CSMD3: variants seen among roughly 807,000 people sequenced by gnomAD.
The protein encoded by CSMD3 is CUB and Sushi multiple domains 3.
A neutral mutation model predicts 435.2 loss-of-function variants in CSMD3; 177 were observed. The observed-to-expected ratio is 0.41, with a 90% CI of 0.36 to 0.46. The LOEUF (loss-of-function observed/expected upper bound fraction) is 0.46. Ranked by LOEUF, CSMD3 falls within the 20% of genes least tolerant of loss-of-function variation. The probability of loss-of-function intolerance (pLI) is 0.34; values close to 1 mark genes in which losing one functional copy is unlikely to be tolerated. For synonymous variants in CSMD3, 1,656 were observed against 1,520.5 expected (o/e 1.09, Z -2.07); for missense variants, 4,265 against 4,504.6 (o/e 0.95, Z 1.52).
chr8:112,915,813 G>T (rs539984268), intron 10 of CSMD3, among the ~76,000 whole-genome samples: 2 of 151,808 alleles, frequency 1.3e-5, no homozygotes, highest in African/African-American at 4.8e-5. Context: ...TCATTAGCAA[G>T]AGTTTATTAA....
chr8:112,763,550 T>G (rs1467803553), intron 13 of CSMD3, among the ~76,000 whole-genome samples: 1 of 148,562 alleles, frequency 6.7e-6, no homozygotes, highest in Non-Finnish European at 1.5e-5. Flanking sequence ...ACATTTTCAT[T>G]TTAAACAACT....
chr8:113,029,971 C>A (rs941955564), intron 5 of CSMD3, among the ~76,000 whole-genome samples: 4 of 151,496 alleles, frequency 2.6e-5, no homozygotes, highest in African/African-American at 9.7e-5. Context: ...AGCTCTTCTA[C>A]ATGCTAACAG....
chr8:113,376,595 AT>A (rs949260373), intron 1 of CSMD3: 109 of 824,514 alleles, frequency 1.3e-4, no homozygotes, highest in Middle Eastern at 3.4e-4. Context: ...TTGATATCCA[AT>A]TTTTTTTAAT....
intron 55 of CSMD3, among the ~76,000 whole-genome samples, chr8:112,292,224 T>A (rs2130684143): frequency 6.6e-6 from 1 of 152,244 alleles, no homozygotes; most frequent in East Asian, 1.9e-4. Flanking sequence ...ATAATCTCAA[T>A]TACTTTTTAT....
intron 12 of CSMD3, among the ~76,000 whole-genome samples, chr8:112,803,530 G>A (rs1009357493): frequency 5.9e-5 from 9 of 152,120 alleles, no homozygotes; most frequent in Admixed American, 5.2e-4. Context: ...CGTGCTTGGG[G>A]AATAATTGGG....
At chr8:113,390,353 T>A (rs2094456545) in intron 1 of CSMD3, among the ~76,000 whole-genome samples, 1 of 151,834 alleles carries the variant, frequency 6.6e-6, no homozygotes. Flanking sequence ...TTCCTTTCTG[T>A]AGAATTTTCT....
chr8:112,964,039 G>T (rs1018749137), intron 7 of CSMD3, among the ~76,000 whole-genome samples: 1 of 151,712 alleles, frequency 6.6e-6, no homozygotes, highest in Non-Finnish European at 1.5e-5. Flanking sequence ...TCATTTACTG[G>T]CTGTGCATCT....
intron 9 of CSMD3, among the ~76,000 whole-genome samples, chr8:112,932,651 T>C (rs2083150517): frequency 1.3e-5 from 2 of 150,546 alleles, no homozygotes; most frequent in South Asian, 4.2e-4. Context: ...AAAAGAAAAA[T>C]AGTTACCAGA....
intron 36 of CSMD3, among the ~76,000 whole-genome samples, chr8:112,387,465 A>ATGTGTGTGTGTGTGTG (rs34034900): frequency 4.1e-4 from 59 of 144,206 alleles, no homozygotes; most frequent in African/African-American, 1.2e-3. Flanking sequence ...GTCATATATT[A>ATGTGTGTGTGTGTGTG]TGTGTGTGTG....
At chr8:112,912,894 A>G (rs2082465147) in intron 10 of CSMD3, among the ~76,000 whole-genome samples, 2 of 152,080 alleles carry the variant, frequency 1.3e-5, no homozygotes, top group Admixed American at 6.6e-5. Context: ...TTAAGAATGG[A>G]CAAATGATTG....
At chr8:112,339,220 T>G (rs903807937) in intron 42 of CSMD3, among the ~76,000 whole-genome samples, 1 of 151,816 alleles carries the variant, frequency 6.6e-6, no homozygotes, top group Non-Finnish European at 1.5e-5. Context: ...CTTTGTAACT[T>G]CACCTTAGCC....
intron 13 of CSMD3, among the ~76,000 whole-genome samples, chr8:112,776,669 A>C (rs1563949657): frequency 6.6e-6 from 1 of 151,798 alleles, no homozygotes; most frequent in Non-Finnish European, 1.5e-5. Context: ...GAGCTTGACC[A>C]AAAATCCTAT....
At chr8:113,157,323 T>C (rs1426727480) in intron 4 of CSMD3, among the ~76,000 whole-genome samples, 2 of 152,146 alleles carry the variant, frequency 1.3e-5, no homozygotes, top group Non-Finnish European at 2.9e-5. Flanking sequence ...TGTGCTTTGA[T>C]TAACAAAGTC....
At chr8:113,256,993 T>G (rs1482323815) in intron 3 of CSMD3, among the ~76,000 whole-genome samples, 1 of 152,194 alleles carries the variant, frequency 6.6e-6, no homozygotes, top group African/African-American at 2.4e-5. Flanking sequence ...CTGATTTACA[T>G]GAATGTTAAT....
At chr8:112,855,038 A>G (rs975168379) in intron 11 of CSMD3, among the ~76,000 whole-genome samples, 4 of 152,210 alleles carry the variant, frequency 2.6e-5, no homozygotes, top group African/African-American at 9.6e-5. Context: ...TCAAAGATTA[A>G]GAATAAAAGA....
At chr8:112,530,320 A>G (rs1825399322) in intron 27 of CSMD3, among the ~76,000 whole-genome samples, 1 of 152,210 alleles carries the variant, frequency 6.6e-6, no homozygotes, top group Non-Finnish European at 1.5e-5. Flanking sequence ...AACACCAAAT[A>G]AGAGTAACCT....
intron 1 of CSMD3, among the ~76,000 whole-genome samples, chr8:113,399,823 T>C (rs1426613923): frequency 6.6e-6 from 1 of 152,128 alleles, no homozygotes; most frequent in Admixed American, 6.6e-5. Flanking sequence ...ATGTGAATTA[T>C]ACTTTAATCT....
At chr8:113,092,783 G>C (rs944435645) in intron 5 of CSMD3, among the ~76,000 whole-genome samples, 2 of 152,038 alleles carry the variant, frequency 1.3e-5, no homozygotes, top group Admixed American at 6.6e-5. Flanking sequence ...CTAGGTGGTG[G>C]TGGTGCGGTT....
intron 12 of CSMD3, among the ~76,000 whole-genome samples, chr8:112,813,948 C>T (rs983472228): frequency 6.6e-6 from 1 of 152,224 alleles, no homozygotes; most frequent in East Asian, 1.9e-4. Context: ...TGTCCCAAGG[C>T]TTCGCCCCGT....
Sources: gnomAD v4.1 joint callset for allele counts (sites outside exome capture counted in the v4.1 genomes callset) on GRCh38, gnomAD v4.1.1 for gene constraint, MANE v1.5 for transcripts, NCBI Gene and HGNC (gene_info 2026-07-23, HGNC 2026-07-21) for gene names.